Variants in RASGRP3 observed in about 807,000 individuals in gnomAD.
RASGRP3 encodes the protein ras guanyl-releasing protein 3.
Under a neutral mutation model 82.7 loss-of-function variants are expected in RASGRP3, and 54 were observed. The ratio of observed to expected loss-of-function variants is 0.65; its 90% confidence interval spans 0.52 to 0.82. The LOEUF (loss-of-function observed/expected upper bound fraction) is 0.82. RASGRP3 is among the 40% of genes least tolerant of loss of function. The probability of loss-of-function intolerance (pLI) is 0.00; values close to 1 mark genes in which losing one functional copy is unlikely to be tolerated. For synonymous variants in RASGRP3, 309 were observed against 300.5 expected (o/e 1.03, Z -0.29); for missense variants, 861 against 828.9 (o/e 1.04, Z -0.48).
At chr2:33,500,639 A>T (rs72785908) in intron 1 of RASGRP3, among the ~76,000 whole-genome samples, 6,681 of 152,258 alleles carry the variant, frequency 0.044, 211 homozygotes, top group Non-Finnish European at 0.067. Context: ...ATAGCAGGTT[A>T]AAAAAATGAG....
intron 1 of RASGRP3, chr2:33,483,015 A>T (rs910499886): frequency 2.7e-5 from 4 of 149,858 alleles, no homozygotes; most frequent in African/African-American, 1.0e-4. Flanking sequence ...TTTCAAGAGG[A>T]CAAAAGGGAA....
At chr2:33,534,597 C>T (rs546256071) in intron 11 of RASGRP3, among the ~76,000 whole-genome samples, 197 bp downstream of exon 11, 2 of 151,946 alleles carry the variant, frequency 1.3e-5, no homozygotes, top group South Asian at 2.1e-4. Context: ...GGTGCGATCT[C>T]GGCTCACTGA....
Position 33,515,210 on chromosome 2 carries a change from C to T in RASGRP3, c.70+4C>T, listed in dbSNP as rs759651278. 3.3e-5 allele frequency: 54 copies of T among 1,613,554 alleles called. No individual in the cohort carries two copies. Among genetic ancestry groups the T allele is most frequent in the Non-Finnish European group, 3.9e-5 (46 of 1,179,634 alleles). ...TGCACTTGCATTGAGATGTTTGGTA[C>T]GAGCCTTTTCTCCTTTCATCTCTTT... On this transcript the variant is annotated splice_donor_region_variant and intron_variant, in intron 3 of 17. Coordinates refer to ENST00000403687, the MANE Select transcript of RASGRP3 (RefSeq NM_001139488.2).
At chr2:33,520,750 A>ACCCCACTT in intron 6 of RASGRP3, 66 bp downstream of exon 6, 1 of 1,583,956 alleles carries the variant, frequency 6.3e-7, no homozygotes, top group Non-Finnish European at 8.6e-7. Flanking sequence ...AGTAGTGATC[A>ACCCCACTT]CCCCACTTGT....
Position 33,476,691 on chromosome 2 carries a change from A to G in RASGRP3, c.-277A>G, listed in dbSNP as rs1667398098. 6.6e-6 allele frequency: 1 copy of G among 151,146 alleles called. No individual in the cohort carries two copies. The highest frequency in any genetic ancestry group is 1.5e-5 in the Non-Finnish European group (1 of 67,970). 9.4% of individuals were successfully genotyped at this position (151,146 alleles called of 1,614,324 possible). On this transcript the variant is annotated 5_prime_UTR_variant, in exon 1 of 18. Coordinates refer to ENST00000403687, the MANE Select transcript of RASGRP3 (RefSeq NM_001139488.2). ...GCAGAGTGCTGATGTGAAAAATACC[A>G]CGACAAAACCACCCTAGTAAGTAAC...
At chr2:33,480,207 TA>T (rs1263649212) in intron 1 of RASGRP3, among the ~76,000 whole-genome samples, 1 of 152,042 alleles carries the variant, frequency 6.6e-6, no homozygotes, top group Non-Finnish European at 1.5e-5. Flanking sequence ...CATGCCCGGC[TA>T]ATTTTTTTGT....
intron 13 of RASGRP3, among the ~76,000 whole-genome samples, chr2:33,547,052 G>T (rs1338313644): frequency 1.3e-5 from 1 of 75,486 alleles, no homozygotes; most frequent in African/African-American, 5.9e-5. Flanking sequence ...TCTGTCTCAG[G>T]GAAAAAAAAA....
intron 2 of RASGRP3, among the ~76,000 whole-genome samples, chr2:33,454,822 T>A (rs1268017699): frequency 6.6e-6 from 1 of 152,220 alleles, no homozygotes; most frequent in East Asian, 1.9e-4. Flanking sequence ...GGTTGTAAGT[T>A]TTATACCTTG....
In RASGRP3 at chr2:33,520,552, G is replaced by A. The variant is rs1426027532; in HGVS notation, c.237-1G>A. ...TGCCAAAAATATTTGATGCCTTTCA[G>A]GTACTGGATTCTGAAGTTTCCTGCA... On this transcript the variant is annotated splice_acceptor_variant, in intron 5 of 17. Coordinates refer to ENST00000403687, the MANE Select transcript of RASGRP3 (RefSeq NM_001139488.2). LOFTEE classifies it high-confidence loss of function. The A allele has an allele frequency of 1.2e-6, 2 of 1,613,594 alleles. No individual in the cohort carries two copies. Among genetic ancestry groups the A allele is most frequent in the East Asian group, 2.2e-5 (1 of 44,888 alleles).
intron 1 of RASGRP3, among the ~76,000 whole-genome samples, chr2:33,499,621 A>G (rs1246440552): frequency 1.3e-5 from 2 of 152,188 alleles, no homozygotes; most frequent in African/African-American, 4.8e-5. Flanking sequence ...TTAAGTAGCA[A>G]AATCTCGGCA....
intron 6 of RASGRP3, 80 bp from the exon 7 acceptor site, chr2:33,521,875 T>C: frequency 2.7e-6 from 4 of 1,502,528 alleles, no homozygotes; most frequent in Non-Finnish European, 3.6e-6. Context: ...AGCCAAGAGT[T>C]GCAGAGTCAG....
chr2:33,497,626 C>T (rs1425315761), intron 1 of RASGRP3, among the ~76,000 whole-genome samples: 3 of 152,192 alleles, frequency 2.0e-5, no homozygotes, highest in African/African-American at 7.2e-5. Context: ...ATTCATTGGT[C>T]TATTACTGAC....
chr2:33,557,864 A>G (rs988079318), intron 15 of RASGRP3, among the ~76,000 whole-genome samples: 1 of 152,132 alleles, frequency 6.6e-6, no homozygotes, highest in African/African-American at 2.4e-5. Flanking sequence ...TAAGCCTGGG[A>G]AAGACTCTCA....
At chr2:33,532,170 C>T (rs1460883528) in intron 10 of RASGRP3, 1 of 152,130 alleles carries the variant, frequency 6.6e-6, no homozygotes, top group East Asian at 1.9e-4. Context: ...TTTATTTGGC[C>T]CATACGGAAT....
At position 33,562,736 on chromosome 2, in the gene RASGRP3, G is replaced by A. The variant is rs1676821745; in HGVS notation, c.2072G>A (p.Ter691=). Residue 691 remains the stop codon, a stop_retained_variant, in exon 18 of 18, where the codon TGA becomes TAA. Coordinates refer to ENST00000403687, the MANE Select transcript of RASGRP3 (RefSeq NM_001139488.2). The part of the protein sequence containing the change: ...EETRQDGEDG[*] ...TTCCAATTTGTGTTTCAGGATGGCT[G>A]ACTTCAGGCTGCGGAAACTGAAGGC... 1.2e-6 allele frequency: 2 copies of A among 1,613,646 alleles called. No individual in the cohort carries two copies. Among genetic ancestry groups the A allele is most frequent in the Middle Eastern group, 1.7e-4 (1 of 6,060 alleles).
At chr2:33,489,805 G>A (rs1668699375) in intron 1 of RASGRP3, among the ~76,000 whole-genome samples, 2 of 152,226 alleles carry the variant, frequency 1.3e-5, no homozygotes, top group African/African-American at 4.8e-5. Flanking sequence ...CCCATGTGCT[G>A]GGATTACAGG....
At chr2:33,487,130 G>A (rs1469740067) in intron 1 of RASGRP3, among the ~76,000 whole-genome samples, 7 of 151,850 alleles carry the variant, frequency 4.6e-5, no homozygotes, top group Admixed American at 1.3e-4. Context: ...CATTCCATCC[G>A]TAAATATTTT....
chr2:33,468,304 A>G (rs1666843571), intron 2 of RASGRP3, among the ~76,000 whole-genome samples: 1 of 151,900 alleles, frequency 6.6e-6, no homozygotes, highest in South Asian at 2.1e-4. Context: ...ATATTCACAT[A>G]TTTTCTTAGA....
At chr2:33,501,669 T>C (rs769768683) in intron 1 of RASGRP3, among the ~76,000 whole-genome samples, 1 of 152,202 alleles carries the variant, frequency 6.6e-6, no homozygotes, top group Non-Finnish European at 1.5e-5. Context: ...GTAGCTTGTC[T>C]CTGTTTGGTT....
Sources: allele counts gnomAD v4.1 joint callset (sites outside exome capture counted in the v4.1 genomes callset), GRCh38; gene constraint gnomAD v4.1.1; transcripts MANE v1.5; gene names NCBI Gene and HGNC (gene_info 2026-07-23, HGNC 2026-07-21).